KLHL18: variants seen among roughly 807,000 people sequenced by gnomAD.
KLHL18 encodes kelch-like protein 18.
Under a neutral mutation model 58.5 loss-of-function variants are expected in KLHL18, and 38 were observed. The ratio of observed to expected loss-of-function variants is 0.65; its 90% CI spans 0.50 to 0.85. KLHL18 has a LOEUF of 0.85. Ranked by LOEUF, KLHL18 falls within the 40% of genes least tolerant of loss-of-function variation. The pLI, the probability that KLHL18 is intolerant of heterozygous loss-of-function variation, is 0.00. For synonymous variants in KLHL18, 303 were observed against 301.9 expected (o/e 1.00, Z -0.04); for missense variants, 624 against 778.4 (o/e 0.80, Z 2.36).
At chr3:47,303,619 C>T (rs1052747864) in intron 1 of KLHL18, among the ~76,000 whole-genome samples, 17 of 152,206 alleles carry the variant, frequency 1.1e-4, no homozygotes, top group Admixed American at 8.5e-4. Context: ...GGCAAGCTCT[C>T]GTTCTGTCAC....
At chr3:47,298,373 G>T (rs200337585) in intron 1 of KLHL18, among the ~76,000 whole-genome samples, 6 of 79,072 alleles carry the variant, frequency 7.6e-5, no homozygotes, top group African/African-American at 2.3e-4. Context: ...AAAAAAAAAA[G>T]AGAAAAAAAC....
Position 47,345,284 on chromosome 3 carries a change from T to C in KLHL18, c.*1343T>C, listed in dbSNP as rs1167570961. The C allele has an allele frequency of 6.5e-6, 1 of 152,872 alleles. No homozygotes were observed. Among genetic ancestry groups the C allele is most frequent in the Non-Finnish European group, 1.5e-5 (1 of 68,348 alleles). 9.5% of individuals were successfully genotyped at this position (152,872 alleles called of 1,614,324 possible). A position where few individuals can be genotyped will look rare whatever the true frequency, so the allele number is the denominator to read the frequency against. On this transcript the variant is annotated 3_prime_UTR_variant, in exon 10 of 10. Coordinates refer to ENST00000232766, the MANE Select transcript of KLHL18 (RefSeq NM_025010.5). ...CTTGTCTGCTCTGCCATTCCACTGCTCCTCCATCCACTCGCCAATCCCAAG... is the reference window on the plus strand; with the variant it reads ...CTTGTCTGCTCTGCCATTCCACTGCCCCTCCATCCACTCGCCAATCCCAAG...
chr3:47,342,020 G>C lies in KLHL18; in HGVS notation c.1227-699G>C, dbSNP rs1433976769. Reference sequence around the variant, plus strand: ...AAGATTGCTTGATTCTGGGAGGTCAGAACTGCATTGAGCTATGATAGCACC... The same window carrying C: ...AAGATTGCTTGATTCTGGGAGGTCACAACTGCATTGAGCTATGATAGCACC... On this transcript the variant is annotated intron_variant, in intron 8 of 9. Transcript: ENST00000232766. Among the ~76,000 whole-genome samples the C allele has an allele frequency of 2.6e-5, 4 of 151,974 alleles. No homozygotes were observed. The East Asian group carries it at 7.7e-4, about 29-fold the overall frequency.
intron 1 of KLHL18, among the ~76,000 whole-genome samples, chr3:47,302,747 G>A (rs535367923): frequency 2.6e-5 from 4 of 152,098 alleles, no homozygotes; most frequent in East Asian, 3.9e-4. Context: ...TTGCTTTTTC[G>A]TTTCTCCAAA....
intron 1 of KLHL18, chr3:47,297,770 T>A: frequency 2.6e-6 from 1 of 390,336 alleles, no homozygotes; most frequent in South Asian, 1.9e-5. Context: ...CAACTGAGTA[T>A]GAGGCACTGT....
intron 1 of KLHL18, among the ~76,000 whole-genome samples, chr3:47,310,477 G>A (rs559524404): frequency 2.0e-5 from 3 of 152,166 alleles, no homozygotes; most frequent in Admixed American, 6.5e-5. Flanking sequence ...TTCACACTTC[G>A]AGTTCTCTCC....
chr3:47,292,628 G>A (rs1029753500), intron 1 of KLHL18, among the ~76,000 whole-genome samples: 5 of 151,578 alleles, frequency 3.3e-5, no homozygotes, highest in African/African-American at 7.3e-5. Flanking sequence ...GTATATGGCT[G>A]GACACAGTGG....
In KLHL18 at chr3:47,346,281, C is replaced by T. The variant is rs1179639014; in HGVS notation, c.*2340C>T. The T allele has an allele frequency of 6.6e-6, 1 of 152,464 alleles. No individual in the cohort carries two copies. The highest frequency in any genetic ancestry group is 1.5e-5 in the Non-Finnish European group (1 of 68,038). 9.4% of individuals were successfully genotyped at this position (152,464 alleles called of 1,614,324 possible). The stretch of plus-strand genomic sequence containing the variant: ...CCCACCTCCTGGTGTAGAATTTACA[C>T]TGCTGCACCTGAGGTCGATGTTTCA... On this transcript the variant is annotated 3_prime_UTR_variant, in exon 10 of 10. Coordinates refer to ENST00000232766, the MANE Select transcript of KLHL18 (RefSeq NM_025010.5).
chr3:47,343,365 G>A (rs948737472), intron 9 of KLHL18, among the ~76,000 whole-genome samples, 190 bp from the exon 10 acceptor site: 2 of 152,174 alleles, frequency 1.3e-5, no homozygotes, highest in African/African-American at 4.8e-5. Context: ...GGTTAGGTGA[G>A]GTGACCTCTC....
At chr3:47,293,649 A>G (rs1184608643) in intron 1 of KLHL18, among the ~76,000 whole-genome samples, 2 of 152,240 alleles carry the variant, frequency 1.3e-5, no homozygotes, top group Non-Finnish European at 2.9e-5. Flanking sequence ...TGACAGAGCT[A>G]TTTTGAGGAC....
chr3:47,283,780 C>G (rs1390039827), intron 1 of KLHL18, among the ~76,000 whole-genome samples: 1 of 152,190 alleles, frequency 6.6e-6, no homozygotes, highest in Non-Finnish European at 1.5e-5. Flanking sequence ...CTAGAGCCAG[C>G]CTCCCTCCTG....
intron 3 of KLHL18, among the ~76,000 whole-genome samples, chr3:47,326,645 C>T (rs529804314): frequency 9.9e-5 from 15 of 151,938 alleles, no homozygotes; most frequent in Non-Finnish European, 1.9e-4. Flanking sequence ...TGGCTGGGTA[C>T]GTTGACTCAC....
intron 1 of KLHL18, among the ~76,000 whole-genome samples, chr3:47,316,512 CATATATACATATATATGTAT>C (rs1253059402): frequency 5.6e-4 from 2 of 3,572 alleles, no homozygotes; most frequent in African/African-American, 6.2e-4. Flanking sequence ...TATATATATA[CATATATACATATATATGTAT>C]ATATATACAT....
intron 1 of KLHL18, among the ~76,000 whole-genome samples, chr3:47,316,759 G>GTGTGTATATATACGTATATATGTATA (rs1559495958): frequency 1.5e-5 from 1 of 64,888 alleles, no homozygotes; most frequent in African/African-American, 5.7e-5. Context: ...ATATGTATAT[G>GTGTGTATATATACGTATATATGTATA]TGTGTGTATA....
chr3:47,346,367 T>A lies in KLHL18; in HGVS notation c.*2426T>A, dbSNP rs1704225679. ...GAGCACAAGTCAGGAAACACCAACATATTCACACTCTCCCAGTAGGTTCCT... is the reference window on the plus strand; with the variant it reads ...GAGCACAAGTCAGGAAACACCAACAAATTCACACTCTCCCAGTAGGTTCCT... On this transcript the variant is annotated 3_prime_UTR_variant, in exon 10 of 10. Coordinates refer to ENST00000232766, the MANE Select transcript of KLHL18 (RefSeq NM_025010.5). The A allele has an allele frequency of 6.6e-6, 1 of 152,626 alleles. No homozygotes were observed. Among genetic ancestry groups the A allele is most frequent in the South Asian group, 2.1e-4 (1 of 4,828 alleles). 9.5% of individuals were successfully genotyped at this position (152,626 alleles called of 1,614,324 possible). A position where few individuals can be genotyped will look rare whatever the true frequency, so the allele number is the denominator to read the frequency against.
chr3:47,321,859 G>T (rs1576167545), intron 2 of KLHL18, among the ~76,000 whole-genome samples: 1 of 152,180 alleles, frequency 6.6e-6, no homozygotes, highest in East Asian at 1.9e-4. Context: ...TGAGCCATCT[G>T]GGGGAAGAGC....
chr3:47,295,903 C>G (rs1702886677), intron 1 of KLHL18, among the ~76,000 whole-genome samples: 1 of 152,120 alleles, frequency 6.6e-6, no homozygotes, highest in Admixed American at 6.5e-5. Context: ...GGGACCCATG[C>G]CCTCTTTCTT....
chr3:47,322,783 C>A (rs1260076495), intron 3 of KLHL18, 75 bp downstream of exon 3: 26 of 1,422,950 alleles, frequency 1.8e-5, no homozygotes, highest in Non-Finnish European at 2.4e-5. Context: ...TTGCTGAGTT[C>A]TTGGGACCAT....
intron 3 of KLHL18, among the ~76,000 whole-genome samples, chr3:47,328,557 C>T (rs1421443577): frequency 6.6e-6 from 1 of 152,032 alleles, no homozygotes; most frequent in African/African-American, 2.4e-5. Context: ...AGGATTTATC[C>T]TGGGTTTCTC....
Sources: gnomAD v4.1 joint callset for allele counts (sites outside exome capture counted in the v4.1 genomes callset) on GRCh38, gnomAD v4.1.1 for gene constraint, MANE v1.5 for transcripts, NCBI Gene and HGNC (gene_info 2026-07-23, HGNC 2026-07-21) for gene names.